The following CMTM4 variants were observed in gnomAD, a reference collection of about 807,000 sequenced individuals.
CMTM4 encodes the protein CKLF-like MARVEL transmembrane domain-containing protein 4.
In CMTM4, 8 loss-of-function variants were observed where a neutral mutation model predicts 19.0. The observed-to-expected ratio is 0.42, with a 90% CI of 0.25 to 0.76. CMTM4 has a LOEUF of 0.76. Ranked by LOEUF, CMTM4 falls within the 30% of genes least tolerant of loss-of-function variation. CMTM4 has a pLI of 0.27. For synonymous variants in CMTM4, 106 were observed against 121.1 expected (o/e 0.88, Z 0.82); for missense variants, 228 against 290.2 (o/e 0.79, Z 1.56).
At chr16:66,604,877 C>T in the CMTM4 span, 2 of 1,423,846 alleles carry the variant, frequency 1.4e-6, no homozygotes, top group Non-Finnish European at 1.8e-6. Context: ...GCCCCGCGGT[C>T]CCCGGGCTCC....
downstream of CMTM4, among the ~76,000 whole-genome samples, chr16:66,614,094 T>C (rs1252215633): frequency 2.6e-5 from 4 of 152,308 alleles, no homozygotes; most frequent in East Asian, 3.9e-4. This position sits in a 1 kb window ranked among gnomAD's most constrained non-coding sequence, Gnocchi z 4.9. Context: ...CAGTTTACAA[T>C]AGGATTCGCA....
chr16:66,607,688 C>T, the CMTM4 span, among the ~76,000 whole-genome samples: 4 of 152,128 alleles, frequency 2.6e-5, no homozygotes, highest in South Asian at 2.1e-4. Flanking sequence ...GATTTCCCTC[C>T]GCAGGGCACT....
chr16:66,609,483 A>T, the CMTM4 span: 1 of 1,611,824 alleles, frequency 6.2e-7, no homozygotes, highest in Non-Finnish European at 8.5e-7. The surrounding 1 kb of genome is among the most constrained non-coding windows in gnomAD (Gnocchi z 4.4). Flanking sequence ...TGCTATCTCC[A>T]TCACGGCCAT....
intron 1 of CMTM4, among the ~76,000 whole-genome samples, chr16:66,688,334 T>C (rs1019995784): frequency 6.6e-6 from 1 of 152,160 alleles, no homozygotes; most frequent in Non-Finnish European, 1.5e-5. Flanking sequence ...TGACGTGGTG[T>C]CTTGAGACGC....
intron 1 of CMTM4, among the ~76,000 whole-genome samples, chr16:66,695,584 T>C (rs2017218713): frequency 6.6e-6 from 1 of 152,140 alleles, no homozygotes; most frequent in Non-Finnish European, 1.5e-5. Flanking sequence ...CCCTGGAAGC[T>C]AAAACACAGG....
chr16:66,622,474 C>T lies in CMTM4; in HGVS notation c.463-252G>A, dbSNP rs2015658063. ...CCAGCCCTGCTGGATGTGTGGCTGT[C>T]ACACCACAGCTGAGTCTCTAGTCAT... On this transcript the variant is annotated intron_variant, in intron 3 of 3. Transcript: ENST00000394106. The surrounding 1 kb of genome is among the most constrained non-coding windows in gnomAD (Gnocchi z 4.0). Among the ~76,000 whole-genome samples, 1 of 152,206 alleles carries T rather than the reference C, an allele frequency of 6.6e-6. No homozygotes were observed. Among genetic ancestry groups the T allele is most frequent in the Non-Finnish European group, 1.5e-5 (1 of 68,046 alleles).
chr16:66,649,934 G>A (rs960901023), intron 1 of CMTM4, among the ~76,000 whole-genome samples: 4 of 152,206 alleles, frequency 2.6e-5, no homozygotes, highest in African/African-American at 9.7e-5. Flanking sequence ...GGCACTTGGA[G>A]ACTCTCTGTG....
At chr16:66,638,632 G>A (rs2016041976) in intron 1 of CMTM4, among the ~76,000 whole-genome samples, 5 of 152,198 alleles carry the variant, frequency 3.3e-5, no homozygotes, top group Non-Finnish European at 7.3e-5. Context: ...GCTGAGGCAG[G>A]TGGATCACCT....
At chr16:66,628,004 T>C (rs2015777566) in intron 2 of CMTM4, among the ~76,000 whole-genome samples, 1 of 152,158 alleles carries the variant, frequency 6.6e-6, no homozygotes, top group Non-Finnish European at 1.5e-5. Flanking sequence ...AGCAAAGGAA[T>C]CTATGTCATA....
chr16:66,660,033 T>C (rs1454456917), intron 1 of CMTM4, among the ~76,000 whole-genome samples: 1 of 152,162 alleles, frequency 6.6e-6, no homozygotes, highest in Admixed American at 6.6e-5. Context: ...AGAAGATATA[T>C]AGATGGCAAA....
At chr16:66,633,149 A>ATATATATATATAAAT (rs1255199629) in intron 2 of CMTM4, among the ~76,000 whole-genome samples, 1 of 146,322 alleles carries the variant, frequency 6.8e-6, no homozygotes, top group African/African-American at 2.6e-5. Context: ...ATATATATCA[A>ATATATATATATAAAT]AGTCCCACAA....
intron 1 of CMTM4, among the ~76,000 whole-genome samples, chr16:66,692,757 C>T (rs574599275): frequency 1.3e-5 from 2 of 151,954 alleles, no homozygotes; most frequent in South Asian, 4.2e-4. Context: ...AAATAGAAAA[C>T]TTAGCCGGGC....
rs550247455 is a variant in CMTM4, at chr16:66,622,416, C to T, written c.463-194G>A. 2.0e-5 allele frequency among the ~76,000 whole-genome samples: 3 copies of T among 152,278 alleles called. No individual in the cohort carries two copies. The highest frequency in any genetic ancestry group is 2.1e-4 in the South Asian group (1 of 4,828). ...AAAGTCTTGTTTCAAATACATATGA[C>T]GGGGTGGCTCAGAGTCAAAGGGAAG... On this transcript the variant is annotated intron_variant, in intron 3 of 3. Coordinates refer to ENST00000394106, the MANE Select transcript of CMTM4 (RefSeq NM_181521.3). The surrounding 1 kb of genome is among the most constrained non-coding windows in gnomAD (Gnocchi z 4.0).
In CMTM4 at chr16:66,620,706, G is replaced by T; in HGVS notation, c.*1352C>A. 2 of 985,670 alleles carry T rather than the reference G, an allele frequency of 2.0e-6. No homozygotes were observed. Among genetic ancestry groups the T allele is most frequent in the Non-Finnish European group, 2.4e-6 (2 of 829,918 alleles). 61.1% of individuals were successfully genotyped at this position (985,670 alleles called of 1,614,324 possible). ...CTTCCTGCCACAGTAAGTGCTTTTTGGTGAGGGCTAAACACAAAATGTTAG... is the reference window on the plus strand; with the variant it reads ...CTTCCTGCCACAGTAAGTGCTTTTTTGTGAGGGCTAAACACAAAATGTTAG... On this transcript the variant is annotated 3_prime_UTR_variant, in exon 4 of 4. Transcript: ENST00000394106.
intron 1 of CMTM4, among the ~76,000 whole-genome samples, chr16:66,663,411 C>T (rs546231023): frequency 2.0e-5 from 3 of 150,736 alleles, no homozygotes; most frequent in Admixed American, 1.3e-4. Context: ...GAGGCTGAAG[C>T]GGGAGGATTA....
intron 1 of CMTM4, among the ~76,000 whole-genome samples, chr16:66,645,619 G>C (rs1051293796): frequency 6.6e-6 from 1 of 151,776 alleles, no homozygotes; most frequent in Admixed American, 6.6e-5. Flanking sequence ...TTTAGACCCA[G>C]AAATTCTAGG....
intron 1 of CMTM4, among the ~76,000 whole-genome samples, chr16:66,666,020 G>A (rs1596946621): frequency 6.6e-6 from 1 of 150,596 alleles, no homozygotes; most frequent in Non-Finnish European, 1.5e-5. Context: ...TGCAGTGAGC[G>A]GAGATTGCAC....
chr16:66,653,354 C>T (rs1567417684), intron 1 of CMTM4, among the ~76,000 whole-genome samples: 1 of 151,886 alleles, frequency 6.6e-6, no homozygotes, highest in Non-Finnish European at 1.5e-5. Flanking sequence ...CCAGCTCAGT[C>T]GTGAGACCCA....
intron 1 of CMTM4, among the ~76,000 whole-genome samples, chr16:66,639,654 G>C (rs774353040): frequency 6.6e-6 from 1 of 152,138 alleles, no homozygotes; most frequent in South Asian, 2.1e-4. Flanking sequence ...AGGTTGAGGC[G>C]GGTGGATTGC....
Sources: allele counts gnomAD v4.1 joint callset (sites outside exome capture counted in the v4.1 genomes callset), GRCh38; gene constraint gnomAD v4.1.1; non-coding constraint Gnocchi (gnomAD v3.1); transcripts MANE v1.5; gene names NCBI Gene and HGNC (gene_info 2026-07-23, HGNC 2026-07-21).